LTBP2: variants seen among roughly 807,000 people sequenced by gnomAD.
LTBP2 encodes the protein latent transforming growth factor beta binding protein 2, also known as latent-transforming growth factor beta-binding protein 2.
In LTBP2, 103 loss-of-function variants were observed where a neutral mutation model predicts 210.6. The ratio of observed to expected loss-of-function variants is 0.49; its 90% CI spans 0.42 to 0.58. LTBP2 has a LOEUF of 0.58. LTBP2 is among the 20% of genes least tolerant of loss of function. LTBP2 has a pLI of 0.00. For synonymous variants in LTBP2, 1,007 were observed against 1,015.0 expected, an observed-to-expected ratio of 0.99 and a Z score of 0.15; for missense variants, 2,313 against 2,494.5, an observed-to-expected ratio of 0.93 and a Z score of 1.55.
Position 74,551,129 on chromosome 14 carries a change from G to T in LTBP2, c.1621C>A (p.Pro541Thr). The T allele has an allele frequency of 6.2e-7, 1 of 1,613,866 alleles. No individual in the cohort carries two copies. Among genetic ancestry groups the T allele is most frequent in the African/African-American group, 1.3e-5 (1 of 75,066 alleles). The change falls in exon 7 of 36, where the codon CCC (proline) becomes ACC (threonine). Residue 541 changes from proline to threonine, a missense_variant. Transcript: ENST00000261978. ...CCTCGAGGCCTGGGTGCTGCTGGGG[G>T]CAGTGGCCGAGGGGGCTCTCCAGAC... ...ARSGEPPRPL[P>T]PAAPRPRGLL...
In LTBP2 at chr14:74,508,651, A is replaced by G; in HGVS notation, c.3605T>C (p.Leu1202Pro). 1.9e-6 allele frequency: 3 copies of G among 1,613,106 alleles called. No individual in the cohort carries two copies. Among genetic ancestry groups the G allele is most frequent in the Non-Finnish European group, 2.5e-6 (3 of 1,179,978 alleles). ...CLNSHGSFFC[L>P]CAPGFVSAEG... ...TGCGCTGACGAAGCCAGGCGCGCACAGACAGAAGAAAGACCCGTGGCTGTT... is the reference window on the plus strand; with the variant it reads ...TGCGCTGACGAAGCCAGGCGCGCACGGACAGAAGAAAGACCCGTGGCTGTT... The change falls in exon 24 of 36, where the codon CTG becomes CCG. Residue 1202 changes from leucine (L) to proline (P), a missense_variant. Physicochemically the swap from Leu to Pro is moderately conservative, Grantham distance 98. Transcript: ENST00000261978.
chr14:74,569,388 G>A (rs1429387593), intron 3 of LTBP2, among the ~76,000 whole-genome samples: 1 of 152,154 alleles, frequency 6.6e-6, no homozygotes, highest in African/African-American at 2.4e-5. Flanking sequence ...GTGTTATGGG[G>A]TCTAATTGCA....
chr14:74,506,263 A>C, intron 27 of LTBP2, 72 bp from the exon 28 acceptor site: 1 of 1,601,814 alleles, frequency 6.2e-7, no homozygotes, highest in Middle Eastern at 1.7e-4. Flanking sequence ...ACTACAGCCC[A>C]CTGCCCCCAA....
intron 4 of LTBP2, among the ~76,000 whole-genome samples, chr14:74,555,299 CG>C (rs1339469703): frequency 2.0e-5 from 3 of 152,058 alleles, no homozygotes; most frequent in Admixed American, 6.5e-5. Flanking sequence ...AAGGTTGCAA[CG>C]GGGTGAAGTC....
At position 74,566,731 on chromosome 14, in the gene LTBP2, C is replaced by T. The variant is rs181788572; in HGVS notation, c.831-11038G>A. The stretch of plus-strand genomic sequence containing the variant: ...TTCCCTGGTGCCTATCCTAAAGGGT[C>T]GAGAGCCAGCCCTCTCCCCCGTGTC... On this transcript the variant is annotated intron_variant, in intron 3 of 35. Coordinates refer to ENST00000261978, the MANE Select transcript of LTBP2 (RefSeq NM_000428.3). 2.6e-3 allele frequency among the ~76,000 whole-genome samples: 393 copies of T among 152,250 alleles called. 3 individuals carry two copies. The highest frequency in any genetic ancestry group is 8.5e-3 in the African/African-American group (355 of 41,536).
intron 6 of LTBP2, 145 bp downstream of exon 6, chr14:74,552,042 C>T (rs112718812): frequency 1.0e-5 from 8 of 779,664 alleles, no homozygotes; most frequent in African/African-American, 6.9e-5. Flanking sequence ...AAACTTAGCG[C>T]TGAGGGCCAG....
chr14:74,515,030 A>G (rs2087117702), intron 18 of LTBP2, among the ~76,000 whole-genome samples: 1 of 152,174 alleles, frequency 6.6e-6, no homozygotes, highest in Admixed American at 6.6e-5. Flanking sequence ...CTGGACATGA[A>G]AAAGAACTAC....
rs770286984 is a variant in LTBP2, at chr14:74,532,567, T to C, written c.1865-19A>G. On this transcript the variant is annotated intron_variant, in intron 9 of 35. Transcript: ENST00000261978. The stretch of plus-strand genomic sequence containing the variant: ...TTGATATCTGCAGGGTTGGAGGAGA[T>C]GACCAAGTGCCCGCCCCACGGAGGC... 2 of 1,613,730 alleles carry C rather than the reference T, an allele frequency of 1.2e-6. No homozygotes were observed. The highest frequency in any genetic ancestry group is 2.2e-5 in the East Asian group (1 of 44,864).
At position 74,552,203 on chromosome 14, in the gene LTBP2, C is replaced by T. The variant is rs371373067; in HGVS notation, c.1383G>A (p.Pro461=). 26 of 1,608,316 alleles carry T rather than the reference C, an allele frequency of 1.6e-5. No individual in the cohort carries two copies. The highest frequency in any genetic ancestry group is 4.0e-5 in the African/African-American group (3 of 74,840). ...GGCACTCACCCAGCTGGTTGGAGAG[C>T]GGCAGTGTGAAAGTGGACTGCTTCA... The part of the protein sequence containing the change: ...APLKQSTFTL[P]LSNQLASVNP... The change falls in exon 6 of 36, where the codon CCG becomes CCA. Residue 461 remains proline (P), a synonymous_variant. Coordinates refer to ENST00000261978, the MANE Select transcript of LTBP2 (RefSeq NM_000428.3).
Position 74,500,103 on chromosome 14 carries a change from T to A in LTBP2, c.*781A>T, listed in dbSNP as rs2086893195. On this transcript the variant is annotated 3_prime_UTR_variant, in exon 36 of 36. Coordinates refer to ENST00000261978, the MANE Select transcript of LTBP2 (RefSeq NM_000428.3). ...CCTTGCTGCTGGTGCCCACAGGCTATCACTGGGCGGATTCAGCTACTGAAT... is the reference window on the plus strand; with the variant it reads ...CCTTGCTGCTGGTGCCCACAGGCTAACACTGGGCGGATTCAGCTACTGAAT... The A allele has an allele frequency of 8.6e-6, 2 of 233,496 alleles. No individual in the cohort carries two copies. Among genetic ancestry groups the A allele is most frequent in the African/African-American group, 4.4e-5 (2 of 45,344 alleles). 14.5% of individuals were successfully genotyped at this position (233,496 alleles called of 1,614,324 possible). A position where few individuals can be genotyped will look rare whatever the true frequency, so the allele number is the denominator to read the frequency against.
intron 3 of LTBP2, among the ~76,000 whole-genome samples, chr14:74,585,317 C>T (rs2088189651): frequency 6.6e-6 from 1 of 152,208 alleles, no homozygotes. Context: ...ACAGGGACCA[C>T]AGGCAGAGGA....
chr14:74,611,342 G>A (rs1421481755), intron 1 of LTBP2, 109 bp downstream of exon 1: 1 of 1,257,148 alleles, frequency 8.0e-7, no homozygotes, highest in South Asian at 2.1e-5. Flanking sequence ...ACTAAAGACA[G>A]AGGGACGAGG....
intron 22 of LTBP2, 114 bp downstream of exon 22, chr14:74,509,124 A>G (rs1255458853): frequency 1.3e-6 from 2 of 1,577,898 alleles, no homozygotes; most frequent in African/African-American, 2.7e-5. Flanking sequence ...ACTCTTGGGG[A>G]GCGGGATGAT....
At chr14:74,514,469 G>A (rs1349031891) in intron 18 of LTBP2, among the ~76,000 whole-genome samples, 1 of 152,220 alleles carries the variant, frequency 6.6e-6, no homozygotes, top group East Asian at 1.9e-4. Context: ...TTGGTTCGCT[G>A]GGAGAATCCT....
chr14:74,567,111 A>T (rs1396621225), intron 3 of LTBP2, among the ~76,000 whole-genome samples: 1 of 152,164 alleles, frequency 6.6e-6, no homozygotes, highest in Non-Finnish European at 1.5e-5. Context: ...GGAGGGAGGC[A>T]TGAGCTCTGC....
At chr14:74,577,963 A>C (rs1344277848) in intron 3 of LTBP2, among the ~76,000 whole-genome samples, 1 of 152,014 alleles carries the variant, frequency 6.6e-6, no homozygotes, top group Non-Finnish European at 1.5e-5. Flanking sequence ...TCTTGGGTCC[A>C]AGGGACTTGA....
chr14:74,517,659 C>T (rs1476570092), intron 17 of LTBP2, among the ~76,000 whole-genome samples: 2 of 152,170 alleles, frequency 1.3e-5, no homozygotes, highest in East Asian at 3.8e-4. Flanking sequence ...AAGCATGAAC[C>T]ACTGCACCTG....
Position 74,508,654 on chromosome 14 carries a change from C to G in LTBP2, c.3602G>C (p.Cys1201Ser). 1 of 1,613,200 alleles carries G rather than the reference C, an allele frequency of 6.2e-7. No homozygotes were observed. The highest frequency in any genetic ancestry group is 8.5e-7 in the Non-Finnish European group (1 of 1,179,974). The change falls in exon 24 of 36, where the codon TGT becomes TCT. Residue 1201 changes from cysteine to serine, a missense_variant. Coordinates refer to ENST00000261978, the MANE Select transcript of LTBP2 (RefSeq NM_000428.3). The part of the protein sequence containing the change: ...ECLNSHGSFF[C>S]LCAPGFVSAE... ...GCTGACGAAGCCAGGCGCGCACAGA[C>G]AGAAGAAAGACCCGTGGCTGTTGAG...
Position 74,551,345 on chromosome 14 carries a change from C to T in LTBP2, c.1405G>A (p.Val469Met), listed in dbSNP as rs61738026. The T allele has an allele frequency of 1.3e-4, 205 of 1,568,642 alleles. No homozygotes were observed. Among genetic ancestry groups the T allele is most frequent in the South Asian group, 1.3e-4 (11 of 83,406 alleles). The change falls in exon 7 of 36, where the codon GTG becomes ATG. Residue 469 changes from valine (V) to methionine (M), a missense_variant. Transcript: ENST00000261978. Reference protein sequence around the residue: ...TLPLSNQLASVNPSLVKVHIH... With the variant: ...TLPLSNQLASMNPSLVKVHIH... ...TGCACCTTCACCAGGGAGGGGTTCACGGAGGCTGGGCACAGGGGCTAGAGT... is the reference window on the plus strand; with the variant it reads ...TGCACCTTCACCAGGGAGGGGTTCATGGAGGCTGGGCACAGGGGCTAGAGT...
Sources: allele counts gnomAD v4.1 joint callset (sites outside exome capture counted in the v4.1 genomes callset), GRCh38; gene constraint gnomAD v4.1.1; transcripts MANE v1.5; gene names NCBI Gene and HGNC (gene_info 2026-07-23, HGNC 2026-07-21).